SPMIP2: variants seen among roughly 807,000 people sequenced by gnomAD.
The protein encoded by SPMIP2 is protein SPMIP2.
chr4:158,992,986 G>A, the SPMIP2 span, among the ~76,000 whole-genome samples: 3 of 152,200 alleles, frequency 2.0e-5, no homozygotes, highest in Non-Finnish European at 2.9e-5. Context: ...TTTAGAAGGT[G>A]TGATGAAAAG....
chr4:158,899,229 G>A, the SPMIP2 span, among the ~76,000 whole-genome samples: 4 of 152,194 alleles, frequency 2.6e-5, no homozygotes, highest in African/African-American at 9.7e-5. Context: ...GCTTTTTGAT[G>A]TGCTGCTGGA....
the SPMIP2 span, among the ~76,000 whole-genome samples, chr4:159,059,866 G>C: frequency 6.6e-6 from 1 of 152,226 alleles, no homozygotes; most frequent in Non-Finnish European, 1.5e-5. Flanking sequence ...ATGCTCAGGG[G>C]ACTGTGCTTG....
the SPMIP2 span, among the ~76,000 whole-genome samples, chr4:158,911,620 G>C: frequency 6.6e-6 from 1 of 152,058 alleles, no homozygotes; most frequent in Non-Finnish European, 1.5e-5. Flanking sequence ...AAATCCTCCA[G>C]CACCTTGCTA....
the SPMIP2 span, among the ~76,000 whole-genome samples, chr4:159,009,787 A>T: frequency 6.6e-6 from 1 of 152,044 alleles, no homozygotes; most frequent in African/African-American, 2.4e-5. Context: ...CCTGGACAAT[A>T]TGGCAAAACC....
chr4:158,944,749 A>T, the SPMIP2 span, among the ~76,000 whole-genome samples: 1 of 152,170 alleles, frequency 6.6e-6, no homozygotes, highest in Non-Finnish European at 1.5e-5. Flanking sequence ...CACTGCCTCC[A>T]TGACTACTTT....
chr4:158,916,800 C>G, the SPMIP2 span, among the ~76,000 whole-genome samples: 1 of 152,182 alleles, frequency 6.6e-6, no homozygotes, highest in Non-Finnish European at 1.5e-5. Context: ...TACACCACCA[C>G]CTCCAGTAAA....
the SPMIP2 span, among the ~76,000 whole-genome samples, chr4:159,066,365 C>A: frequency 1.3e-5 from 2 of 151,942 alleles, no homozygotes; most frequent in African/African-American, 4.8e-5. Flanking sequence ...TTTGTTAGAT[C>A]TAGGGGTGTG....
At chr4:159,004,581 C>G in the SPMIP2 span, among the ~76,000 whole-genome samples, 1 of 151,856 alleles carries the variant, frequency 6.6e-6, no homozygotes, top group Non-Finnish European at 1.5e-5. Flanking sequence ...ATGATGTATT[C>G]ATTAGTTTTT....
chr4:159,009,001 C>G, the SPMIP2 span, among the ~76,000 whole-genome samples: 1 of 152,152 alleles, frequency 6.6e-6, no homozygotes, highest in Non-Finnish European at 1.5e-5. Flanking sequence ...GTTTATTGGG[C>G]TCTCAAGAGA....
chr4:159,045,819 G>A, the SPMIP2 span, among the ~76,000 whole-genome samples: 3 of 152,214 alleles, frequency 2.0e-5, no homozygotes, highest in Non-Finnish European at 4.4e-5. Flanking sequence ...CAAGCCGTCA[G>A]TTGGGGCTGA....
At chr4:158,961,218 T>G in the SPMIP2 span, among the ~76,000 whole-genome samples, 1 of 152,074 alleles carries the variant, frequency 6.6e-6, no homozygotes, top group African/African-American at 2.4e-5. Flanking sequence ...ATTTCAACAT[T>G]AAAGGAATGA....
chr4:158,974,611 T>A, the SPMIP2 span, among the ~76,000 whole-genome samples: 1 of 152,222 alleles, frequency 6.6e-6, no homozygotes, highest in African/African-American at 2.4e-5. Flanking sequence ...TCCAGCTTCA[T>A]TCATGTCCCT....
the SPMIP2 span, among the ~76,000 whole-genome samples, chr4:159,013,864 C>T: frequency 3.0e-4 from 18 of 60,034 alleles, no homozygotes; most frequent in African/African-American, 9.6e-4. Context: ...AAGACAAATA[C>T]TGCATGATTT....
chr4:158,917,831 C>T, the SPMIP2 span, among the ~76,000 whole-genome samples: 2 of 147,092 alleles, frequency 1.4e-5, no homozygotes, highest in East Asian at 2.0e-4. Context: ...AAGCAATTTA[C>T]CTGCCTCAGC....
the SPMIP2 span, among the ~76,000 whole-genome samples, chr4:159,075,789 C>G: frequency 6.9e-6 from 1 of 145,322 alleles, no homozygotes; most frequent in East Asian, 2.0e-4. Flanking sequence ...TTTGACTCAT[C>G]TTTTTTTTTT....
the SPMIP2 span, chr4:158,904,837 C>A: frequency 2.9e-6 from 1 of 341,416 alleles, no homozygotes. Context: ...AAACACTAAG[C>A]TGTTGCAACA....
chr4:158,972,809 A>G, the SPMIP2 span, among the ~76,000 whole-genome samples: 1 of 152,126 alleles, frequency 6.6e-6, no homozygotes, highest in Non-Finnish European at 1.5e-5. Flanking sequence ...CCTCAGCCTG[A>G]ATGTGAATCA....
At chr4:158,977,904 A>G in the SPMIP2 span, among the ~76,000 whole-genome samples, 147,773 of 152,262 alleles carry the variant, frequency 0.97, 71,860 homozygotes, top group East Asian at 1. Context: ...GAGCCACAGC[A>G]CCCAGCCTAT....
At chr4:158,914,932 T>C in the SPMIP2 span, among the ~76,000 whole-genome samples, 1 of 152,212 alleles carries the variant, frequency 6.6e-6, no homozygotes, top group African/African-American at 2.4e-5. Context: ...AACCTAGTGA[T>C]AAGAAATTCT....
Sources: gnomAD v4.1 joint callset for allele counts (sites outside exome capture counted in the v4.1 genomes callset) on GRCh38, gnomAD v4.1.1 for gene constraint, MANE v1.5 for transcripts, NCBI Gene and HGNC (gene_info 2026-07-23, HGNC 2026-07-21) for gene names.